PLA2G5: variants seen among roughly 807,000 people sequenced by gnomAD.
PLA2G5 encodes the protein phospholipase A2 group V.
PLA2G5 carries 12 observed loss-of-function variants against 15.9 expected under a neutral mutation model. That is an observed-to-expected ratio of 0.76 (90% CI 0.48 to 1.23). The LOEUF (loss-of-function observed/expected upper bound fraction) is 1.23. PLA2G5 is among the 50% of genes most tolerant of loss of function. The pLI, the probability that PLA2G5 is intolerant of heterozygous loss-of-function variation, is 0.00. For synonymous variants in PLA2G5, 71 were observed against 71.4 expected, an observed-to-expected ratio of 0.99 and a Z score of 0.03; for missense variants, 169 against 177.1, an observed-to-expected ratio of 0.95 and a Z score of 0.26.
At chr1:20,061,690 T>C (rs1324386727) in intron 2 of PLA2G5, among the ~76,000 whole-genome samples, 1 of 152,080 alleles carries the variant, frequency 6.6e-6, no homozygotes, top group Admixed American at 6.6e-5. Flanking sequence ...TTTCCATATA[T>C]CTTACTCCAA....
intron 1 of PLA2G5, among the ~76,000 whole-genome samples, chr1:20,056,017 T>C (rs2014413133): frequency 1.3e-5 from 2 of 152,150 alleles, no homozygotes; most frequent in Admixed American, 6.5e-5. Flanking sequence ...TCAACATTTA[T>C]TCCAGCCTCC....
chr1:20,041,693 G>T (rs747317413), intron 1 of PLA2G5, among the ~76,000 whole-genome samples: 1 of 152,214 alleles, frequency 6.6e-6, no homozygotes, highest in Non-Finnish European at 1.5e-5. Flanking sequence ...GTTATGAAAT[G>T]ATGACAGAAT....
intron 1 of PLA2G5, among the ~76,000 whole-genome samples, chr1:20,081,132 C>G (rs1051030050): frequency 4.0e-5 from 6 of 151,722 alleles, no homozygotes; most frequent in African/African-American, 1.5e-4. Flanking sequence ...CGTCTCTATT[C>G]TCTCCCCTCT....
intron 3 of PLA2G5, among the ~76,000 whole-genome samples, chr1:20,087,280 C>G (rs2016338114): frequency 6.6e-6 from 1 of 152,204 alleles, no homozygotes; most frequent in Non-Finnish European, 1.5e-5. Context: ...TCTGCTACAC[C>G]TAACATACAG....
At chr1:20,056,329 A>G (rs1337400867) in intron 1 of PLA2G5, among the ~76,000 whole-genome samples, 1 of 151,764 alleles carries the variant, frequency 6.6e-6, no homozygotes, top group East Asian at 1.9e-4. Flanking sequence ...GGCTGCATCT[A>G]GTTGGCCATC....
chr1:20,087,820 C>A (rs2016369824), intron 3 of PLA2G5, among the ~76,000 whole-genome samples: 1 of 151,992 alleles, frequency 6.6e-6, no homozygotes. Flanking sequence ...AAAACGGAAG[C>A]CCACATTGAT....
Position 20,051,494 on chromosome 1 carries a change from A to G in PLA2G5, n.277-8138A>G, listed in dbSNP as rs189675394. 3.6e-3 allele frequency among the ~76,000 whole-genome samples: 541 copies of G among 152,342 alleles called. 4 individuals are homozygous for G. Among genetic ancestry groups the G allele is most frequent in the African/African-American group, 0.011 (459 of 41,574 alleles). On this transcript the variant is annotated intron_variant and non_coding_transcript_variant, in intron 1 of 6. Transcript: ENST00000460175. The stretch of plus-strand genomic sequence containing the variant: ...AGGACAATTTTCTTTTGAGCTATTA[A>G]CAGCTTTTAACAATTTAGTATACTC...
chr1:20,057,142 GAT>G (rs1230531813), intron 1 of PLA2G5, among the ~76,000 whole-genome samples: 1 of 151,882 alleles, frequency 6.6e-6, no homozygotes, highest in Non-Finnish European at 1.5e-5. Context: ...TAATTTTGCT[GAT>G]ATTTTCAAAG....
At chr1:20,051,875 G>A (rs1381863270) in intron 1 of PLA2G5, among the ~76,000 whole-genome samples, 1 of 152,126 alleles carries the variant, frequency 6.6e-6, no homozygotes, top group East Asian at 1.9e-4. Context: ...GTTTATCTTG[G>A]AACCTCAAGG....
intron 1 of PLA2G5, 143 bp downstream of exon 1, chr1:20,070,608 C>A: frequency 5.9e-6 from 2 of 336,870 alleles, no homozygotes; most frequent in Non-Finnish European, 8.4e-6. Context: ...TTGAAGGAGT[C>A]TCTCTAAGGC....
chr1:20,080,915 C>T lies in PLA2G5; in HGVS notation c.-10-3906C>T, dbSNP rs905603990. Among the ~76,000 whole-genome samples, 7 of 151,812 alleles carry T rather than the reference C, an allele frequency of 4.6e-5. 1 individual carries two copies. Among genetic ancestry groups the T allele is most frequent in the African/African-American group, 7.3e-5 (3 of 41,110 alleles). ...CCCCCTTGGTCAGGGGAGCAGGGCCCGAAGAGGAGTGAACCCCCATCACCT... is the reference window on the plus strand; with the variant it reads ...CCCCCTTGGTCAGGGGAGCAGGGCCTGAAGAGGAGTGAACCCCCATCACCT... On this transcript the variant is annotated intron_variant, in intron 1 of 4. Coordinates refer to ENST00000375108, the MANE Select transcript of PLA2G5 (RefSeq NM_000929.3).
chr1:20,039,841 C>T (rs954503616), intron 1 of PLA2G5, among the ~76,000 whole-genome samples: 2 of 152,138 alleles, frequency 1.3e-5, no homozygotes, highest in Non-Finnish European at 2.9e-5. Flanking sequence ...TTAGCTTGGT[C>T]AGGTTTCTTA....
At position 20,060,247 on chromosome 1, in the gene PLA2G5, C is replaced by CTTTTTTTTTTTTTTTTTTTTT. The variant is rs71585739; in HGVS notation, n.337+559_337+579dup. ...CTATTTACTGACTTTCTTTTTTCTT[C>CTTTTTTTTTTTTTTTTTTTTT]TTTTTTTTTTTTTTTTTTTTTTTTG... On this transcript the variant is annotated intron_variant and non_coding_transcript_variant, in intron 2 of 6. Transcript: ENST00000460175. Among the ~76,000 whole-genome samples, 17 of 83,690 alleles carry CTTTTTTTTTTTTTTTTTTTTT rather than the reference C, an allele frequency of 2.0e-4. 1 individual carries two copies. The highest frequency in any genetic ancestry group is 5.4e-4 in the South Asian group (1 of 1,848). 54.9% of individuals were successfully genotyped at this position (83,690 alleles called of 152,430 possible).
intron 1 of PLA2G5, among the ~76,000 whole-genome samples, chr1:20,054,558 T>C (rs1033916785): frequency 1.9e-4 from 29 of 152,194 alleles, no homozygotes; most frequent in African/African-American, 6.5e-4. Flanking sequence ...TTTTTCTTTT[T>C]TTTTTCAAAA....
chr1:20,082,623 T>G (rs531495410), intron 1 of PLA2G5, among the ~76,000 whole-genome samples: 1 of 151,896 alleles, frequency 6.6e-6, no homozygotes, highest in Non-Finnish European at 1.5e-5. Flanking sequence ...CATCACCTGA[T>G]GGTTGCCTGA....
chr1:20,068,681 C>T (rs1465708004), upstream of PLA2G5, among the ~76,000 whole-genome samples: 3 of 152,028 alleles, frequency 2.0e-5, no homozygotes, highest in African/African-American at 7.2e-5. Flanking sequence ...GAACTCCCGA[C>T]CTCAGCTGAT....
intron 1 of PLA2G5, among the ~76,000 whole-genome samples, chr1:20,031,144 T>C (rs2012906405): frequency 1.3e-5 from 2 of 152,182 alleles, no homozygotes; most frequent in African/African-American, 4.8e-5. Context: ...ATTGTGGTTC[T>C]GATAGGGCTG....
intron 1 of PLA2G5, among the ~76,000 whole-genome samples, chr1:20,071,286 CAACA>C (rs1248291055): frequency 6.6e-6 from 1 of 152,196 alleles, no homozygotes; most frequent in Admixed American, 6.5e-5. Flanking sequence ...ATTAGCCATT[CAACA>C]AACATTTTTT....
chr1:20,065,181 C>T (rs1196637535), intron 2 of PLA2G5, among the ~76,000 whole-genome samples: 2 of 152,128 alleles, frequency 1.3e-5, no homozygotes, highest in African/African-American at 4.8e-5. Flanking sequence ...CCATATACCG[C>T]CCCCTTATCC....
Sources: allele counts gnomAD v4.1 joint callset (sites outside exome capture counted in the v4.1 genomes callset), GRCh38; gene constraint gnomAD v4.1.1; transcripts MANE v1.5; gene names NCBI Gene and HGNC (gene_info 2026-07-23, HGNC 2026-07-21).